The following OOSP1 variants were observed in gnomAD, a reference collection of about 807,000 sequenced individuals.
The protein encoded by OOSP1 is oocyte secreted protein 1.
In OOSP1, 11 loss-of-function variants were observed where a neutral mutation model predicts 5.7. That is an observed-to-expected ratio of 1.94 (90% CI 1.22 to 3.20). OOSP1 has a LOEUF of 3.20. Ranked by LOEUF, OOSP1 falls within the 30% of genes most tolerant of loss-of-function variation. The probability of loss-of-function intolerance (pLI) is 0.00; values close to 1 mark genes in which losing one functional copy is unlikely to be tolerated. For missense variants in OOSP1, 83 were observed against 54.1 expected (o/e 1.53, Z -1.67); for synonymous variants, 44 against 20.0 (o/e 2.20, Z -3.20).
At chr11:59,949,930 G>A (rs545028110) in intron 4 of OOSP1, among the ~76,000 whole-genome samples, 2 of 152,320 alleles carry the variant, frequency 1.3e-5, no homozygotes, top group South Asian at 4.1e-4. Context: ...CAGTGATGGT[G>A]TTAGTGTCCT....
chr11:59,956,759 G>GCAT (rs1173644239), intron 4 of OOSP1, among the ~76,000 whole-genome samples: 44 of 152,006 alleles, frequency 2.9e-4, no homozygotes, highest in African/African-American at 9.9e-4. Context: ...TTATGCCTTT[G>GCAT]CGTCCTCATA....
intron 4 of OOSP1, chr11:59,948,744 C>T (rs1349677830): frequency 3.8e-5 from 15 of 397,952 alleles, no homozygotes; most frequent in Middle Eastern, 6.2e-4. Context: ...CAAATGAGTA[C>T]CTTTATTGCA....
At chr11:59,945,148 A>C (rs966666565) in intron 2 of OOSP1, 21 bp from the exon 3 acceptor site, 1 of 702,600 alleles carries the variant, frequency 1.4e-6, no homozygotes, top group Non-Finnish European at 2.6e-6. Flanking sequence ...CATGGGTTTA[A>C]AACCTCTCTT....
At chr11:59,955,472 C>T (rs553436327) in intron 4 of OOSP1, among the ~76,000 whole-genome samples, 1 of 151,938 alleles carries the variant, frequency 6.6e-6, no homozygotes, top group African/African-American at 2.4e-5. Context: ...AGAATAAGCC[C>T]AATTATACAA....
At chr11:59,951,243 T>TAA (rs36043574) in intron 4 of OOSP1, among the ~76,000 whole-genome samples, 1 of 142,676 alleles carries the variant, frequency 7.0e-6, no homozygotes, top group Non-Finnish European at 1.5e-5. Flanking sequence ...ATCCTAAAAT[T>TAA]AAAAAAAAAA....
rs141595043 is a variant in OOSP1, at chr11:59,938,961, C to T, written c.76+431C>T. 7.1e-3 allele frequency among the ~76,000 whole-genome samples: 1,084 copies of T among 152,258 alleles called. 8 individuals carry two copies. The highest frequency in any genetic ancestry group is 0.011 in the Non-Finnish European group (766 of 68,004). On this transcript the variant is annotated intron_variant, in intron 1 of 4. Transcript: ENST00000646685. Reference sequence around the variant, plus strand: ...TACCTTATACTTCATAGATCCTTTTCATTTCAGAGGGAGCAGTCAGTGCCC... The same window carrying T: ...TACCTTATACTTCATAGATCCTTTTTATTTCAGAGGGAGCAGTCAGTGCCC...
chr11:59,957,296 T>G (rs1854002237), exon 5 of OOSP1: 1 of 397,704 alleles, frequency 2.5e-6, no homozygotes, highest in African/African-American at 2.1e-5. Flanking sequence ...TTGAGCGAGA[T>G]GATAGATCTT....
intron 4 of OOSP1, among the ~76,000 whole-genome samples, chr11:59,954,332 G>T (rs1853970033): frequency 6.6e-6 from 1 of 152,070 alleles, no homozygotes; most frequent in African/African-American, 2.4e-5. Context: ...GCAGACATGT[G>T]CAGTACGTAA....
At chr11:59,947,204 T>G (rs1462328174) in intron 3 of OOSP1, among the ~76,000 whole-genome samples, 1 of 152,184 alleles carries the variant, frequency 6.6e-6, no homozygotes, top group Non-Finnish European at 1.5e-5. Flanking sequence ...CTAACATTTA[T>G]TAATCACTTA....
At chr11:59,941,919 T>G (rs1853831671) in intron 1 of OOSP1, among the ~76,000 whole-genome samples, 1 of 152,222 alleles carries the variant, frequency 6.6e-6, no homozygotes, top group South Asian at 2.1e-4. Flanking sequence ...GTGATAGGTG[T>G]GTAGTAATAT....
intron 4 of OOSP1, among the ~76,000 whole-genome samples, chr11:59,956,263 C>T (rs753301069): frequency 6.6e-6 from 1 of 151,648 alleles, no homozygotes; most frequent in Non-Finnish European, 1.5e-5. Flanking sequence ...GGGTTGTGAA[C>T]CAAAAGCATG....
chr11:59,946,316 A>G (rs569843082), intron 3 of OOSP1, among the ~76,000 whole-genome samples: 1 of 152,336 alleles, frequency 6.6e-6, no homozygotes, highest in Non-Finnish European at 1.5e-5. Flanking sequence ...CTATCAGTGC[A>G]AAAATTGTCT....
chr11:59,939,591 TTC>T (rs1005197716), intron 1 of OOSP1, among the ~76,000 whole-genome samples: 2 of 83,218 alleles, frequency 2.4e-5, no homozygotes, highest in African/African-American at 5.1e-5. Flanking sequence ...TTCTCTCTTT[TTC>T]TTTTTTTTCT....
chr11:59,944,149 C>T (rs1590891194), intron 2 of OOSP1, among the ~76,000 whole-genome samples: 1 of 152,088 alleles, frequency 6.6e-6, no homozygotes, highest in East Asian at 1.9e-4. Flanking sequence ...AAGTGGGCCA[C>T]CCTGGGAGAG....
rs544942979 is a variant in OOSP1, at chr11:59,957,478, A to T, written c.*215A>T. ...CCTATTTTCCAATAAAATTCTGAAAACGAGCTGAAGGGGCACTTTCTTAAG... is the reference window on the plus strand; with the variant it reads ...CCTATTTTCCAATAAAATTCTGAAATCGAGCTGAAGGGGCACTTTCTTAAG... On this transcript the variant is annotated 3_prime_UTR_variant, in exon 5 of 5. Coordinates refer to ENST00000646685, the Ensembl canonical transcript of OOSP1. The T allele has an allele frequency of 8.6e-4, 300 of 350,792 alleles. 1 individual carries two copies. The highest frequency in any genetic ancestry group is 5.2e-4 in the Non-Finnish European group (102 of 196,084). The allele number at this position is 350,792 out of a possible 1,614,324, so 21.7% of individuals were successfully genotyped here.
intron 1 of OOSP1, among the ~76,000 whole-genome samples, chr11:59,939,368 C>T (rs2134561826): frequency 6.6e-6 from 1 of 151,940 alleles, no homozygotes; most frequent in South Asian, 2.1e-4. Flanking sequence ...TCTTGTGCCT[C>T]AGCCTCCCAA....
At chr11:59,956,678 A>G (rs561402295) in intron 4 of OOSP1, among the ~76,000 whole-genome samples, 96 of 152,140 alleles carry the variant, frequency 6.3e-4, no homozygotes, top group African/African-American at 2.1e-3. Flanking sequence ...ACACTGCACT[A>G]TATTTACAGT....
At chr11:59,952,765 A>G (rs1015786309) in intron 4 of OOSP1, among the ~76,000 whole-genome samples, 15 of 152,104 alleles carry the variant, frequency 9.9e-5, no homozygotes, top group African/African-American at 3.6e-4. Context: ...CAAAAAAATC[A>G]CTTGTACCCC....
At chr11:59,951,499 G>T (rs1375746061) in intron 4 of OOSP1, among the ~76,000 whole-genome samples, 2 of 152,022 alleles carry the variant, frequency 1.3e-5, no homozygotes, top group African/African-American at 2.4e-5. Context: ...CAGCGGGTGG[G>T]CTTCATTTTG....
Sources: allele counts gnomAD v4.1 joint callset (sites outside exome capture counted in the v4.1 genomes callset), GRCh38; gene constraint gnomAD v4.1.1; transcripts MANE v1.5; gene names NCBI Gene and HGNC (gene_info 2026-07-23, HGNC 2026-07-21).